The following DGKI variants were observed in gnomAD, a reference collection of about 807,000 sequenced individuals.
DGKI encodes the protein diacylglycerol kinase iota.
In DGKI, 55 loss-of-function variants were observed where a neutral mutation model predicts 147.5. The observed-to-expected ratio is 0.37, with a 90% CI of 0.30 to 0.47. DGKI has a LOEUF of 0.47. Among genes scored for constraint, DGKI ranks in the 20% least tolerant of loss-of-function variants. The probability of loss-of-function intolerance (pLI) is 1.00; values close to 1 mark genes in which losing one functional copy is unlikely to be tolerated. For missense variants in DGKI, 1,007 were observed against 1,323.8 expected, an observed-to-expected ratio of 0.76 and a Z score of 3.71; for synonymous variants, 469 against 477.1, an observed-to-expected ratio of 0.98 and a Z score of 0.22.
chr7:137,727,823 G>A (rs556860577), intron 1 of DGKI, among the ~76,000 whole-genome samples: 3 of 152,182 alleles, frequency 2.0e-5, no homozygotes, highest in East Asian at 1.9e-4. Context: ...CTTGTGGTCC[G>A]AATTAAGAAT....
intron 27 of DGKI, among the ~76,000 whole-genome samples, chr7:137,461,825 T>C (rs1380617977): frequency 1.3e-5 from 2 of 152,156 alleles, no homozygotes; most frequent in African/African-American, 4.8e-5. Context: ...CAAAAACTTA[T>C]AGCTGTAAAT....
At chr7:137,744,142 G>A (rs1014703078) in intron 1 of DGKI, among the ~76,000 whole-genome samples, 3 of 152,026 alleles carry the variant, frequency 2.0e-5, no homozygotes, top group Admixed American at 6.6e-5. Context: ...TTAATGGACT[G>A]CTACCTAGAT....
At chr7:137,651,533 G>T (rs146076888) in intron 5 of DGKI, among the ~76,000 whole-genome samples, 16 of 152,258 alleles carry the variant, frequency 1.1e-4, no homozygotes, top group African/African-American at 3.6e-4. Flanking sequence ...TATTATATTT[G>T]AGATGACTGT....
At chr7:137,659,727 T>G (rs1407797548) in intron 3 of DGKI, among the ~76,000 whole-genome samples, 3 of 152,086 alleles carry the variant, frequency 2.0e-5, no homozygotes, top group Non-Finnish European at 1.5e-5. Context: ...GGTCAGGAGA[T>G]CGAGACCATC....
chr7:137,845,103 G>A (rs1358878163), intron 1 of DGKI, among the ~76,000 whole-genome samples: 1 of 152,212 alleles, frequency 6.6e-6, no homozygotes, highest in East Asian at 1.9e-4. Flanking sequence ...GAGTAACTAA[G>A]AGAACAACTC....
At chr7:137,395,944 T>G (rs1338201458) in intron 31 of DGKI, 2 of 476,156 alleles carry the variant, frequency 4.2e-6, no homozygotes, top group Non-Finnish European at 3.8e-6. Context: ...TTTAGTAATT[T>G]TTTTAAAAGC....
intron 6 of DGKI, among the ~76,000 whole-genome samples, chr7:137,638,600 A>ATATGTG (rs1684248696): frequency 7.6e-5 from 1 of 13,130 alleles, no homozygotes; most frequent in African/African-American, 3.6e-4. Context: ...ATATACATAT[A>ATATGTG]TGTATATATA....
At chr7:137,438,795 G>C (rs756896787) in intron 28 of DGKI, among the ~76,000 whole-genome samples, 1 of 152,028 alleles carries the variant, frequency 6.6e-6, no homozygotes, top group Non-Finnish European at 1.5e-5. Flanking sequence ...CCATAAGGAT[G>C]AATCACAAAA....
At chr7:137,620,527 T>C (rs376883330) in intron 7 of DGKI, among the ~76,000 whole-genome samples, 2 of 152,136 alleles carry the variant, frequency 1.3e-5, no homozygotes, top group Non-Finnish European at 2.9e-5. Flanking sequence ...TTCTACAGAG[T>C]TGAAAATCCC....
intron 1 of DGKI, among the ~76,000 whole-genome samples, chr7:137,833,205 C>T (rs929444879): frequency 6.6e-6 from 1 of 152,324 alleles, no homozygotes; most frequent in Admixed American, 6.5e-5. Flanking sequence ...GCACCCTACT[C>T]CTGGTACCAA....
chr7:137,689,159 T>A (rs1823521985), intron 2 of DGKI, among the ~76,000 whole-genome samples: 1 of 152,182 alleles, frequency 6.6e-6, no homozygotes. Context: ...TAAACAAGGT[T>A]CATCATCAGG....
intron 7 of DGKI, 35 bp downstream of exon 7, chr7:137,623,448 T>C (rs764194412): frequency 6.3e-7 from 1 of 1,588,124 alleles, no homozygotes; most frequent in South Asian, 1.1e-5. Flanking sequence ...CGACAAAACA[T>C]GAGCCCACAT....
intron 19 of DGKI, among the ~76,000 whole-genome samples, chr7:137,570,871 G>A (rs145448874): frequency 0.011 from 1,716 of 152,286 alleles, 17 homozygotes; most frequent in African/African-American, 0.024. Flanking sequence ...TTACAGGCAT[G>A]AGCCACTGCA....
At chr7:137,574,942 CTGT>C (rs1282705494) in intron 17 of DGKI, among the ~76,000 whole-genome samples, 3 of 152,176 alleles carry the variant, frequency 2.0e-5, no homozygotes, top group Non-Finnish European at 4.4e-5. Flanking sequence ...AAAAGATGCT[CTGT>C]TGTTGGGGAG....
Position 137,476,868 on chromosome 7 carries a change from C to T in DGKI, c.2374-7249G>A, listed in dbSNP as rs116112558. Among the ~76,000 whole-genome samples the T allele has an allele frequency of 6.5e-3, 986 of 152,214 alleles. 14 individuals carry two copies. Among genetic ancestry groups the T allele is most frequent in the African/African-American group, 0.022 (933 of 41,524 alleles). On this transcript the variant is annotated intron_variant, in intron 23 of 32. Coordinates refer to ENST00000614521, the MANE Select transcript of DGKI (RefSeq NM_001321708.2). Reference sequence around the variant, plus strand: ...ACTTCTTTTACTTCAGAGCTCATGACCTTATGCACAGGGTTTTACAGCTTC... The same window carrying T: ...ACTTCTTTTACTTCAGAGCTCATGATCTTATGCACAGGGTTTTACAGCTTC...
Position 137,585,189 on chromosome 7 carries a change from A to G in DGKI, c.1563+20T>C, listed in dbSNP as rs762674550. 1 of 1,613,708 alleles carries G rather than the reference A, an allele frequency of 6.2e-7. No homozygotes were observed. The highest frequency in any genetic ancestry group is 1.7e-5 in the Admixed American group (1 of 59,996). On this transcript the variant is annotated intron_variant, in intron 14 of 32. Transcript: ENST00000614521. Reference sequence around the variant, plus strand: ...CAGATGCTCCAGGGCTCCTTTCTGCAGAACAAAAAACTCTCTAACCTTACA... The same window carrying G: ...CAGATGCTCCAGGGCTCCTTTCTGCGGAACAAAAAACTCTCTAACCTTACA...
chr7:137,505,040 A>G (rs1816318010), intron 21 of DGKI, among the ~76,000 whole-genome samples: 1 of 138,170 alleles, frequency 7.2e-6, no homozygotes. Flanking sequence ...AAAACCAAAC[A>G]CCGCATGTTC....
chr7:137,443,154 T>G lies in DGKI; in HGVS notation c.2761+923A>C, dbSNP rs1034924268. The stretch of plus-strand genomic sequence containing the variant: ...AGATGGTAAATGAAGCAATAAGCAG[T>G]GGAGGAAGACAAAGATTCCATCATT... On this transcript the variant is annotated intron_variant, in intron 28 of 32. Transcript: ENST00000614521. 5.3e-5 allele frequency among the ~76,000 whole-genome samples: 8 copies of G among 152,192 alleles called. 1 individual carries two copies. Among genetic ancestry groups the G allele is most frequent in the Admixed American group, 3.9e-4 (6 of 15,286 alleles).
rs1325992831 is a variant in DGKI at position 137,770,566 on chromosome 7, C to T, written c.401+75896G>A. ...TTTTTTTTTTTGAGACGGAGTCTCGCTCTGTCGCCCAGGCTGGAGTGCAGT... is the reference window on the plus strand; with the variant it reads ...TTTTTTTTTTTGAGACGGAGTCTCGTTCTGTCGCCCAGGCTGGAGTGCAGT... On this transcript the variant is annotated intron_variant, in intron 1 of 32. Coordinates refer to ENST00000614521, the MANE Select transcript of DGKI (RefSeq NM_001321708.2). Among the ~76,000 whole-genome samples the T allele has an allele frequency of 2.2e-4, 10 of 45,430 alleles. 2 individuals carry two copies. Among genetic ancestry groups the T allele is most frequent in the African/African-American group, 1.2e-3 (2 of 1,670 alleles). The allele number at this position is 45,430 out of a possible 152,430, so 29.8% of individuals were successfully genotyped here.
Sources: allele counts gnomAD v4.1 joint callset (sites outside exome capture counted in the v4.1 genomes callset), GRCh38; gene constraint gnomAD v4.1.1; transcripts MANE v1.5; gene names NCBI Gene and HGNC (gene_info 2026-07-23, HGNC 2026-07-21).